ATXN1: variants seen among roughly 807,000 people sequenced by gnomAD.
The protein encoded by ATXN1 is ataxin-1.
A neutral mutation model predicts 56.4 loss-of-function variants in ATXN1; 8 were observed. The observed-to-expected ratio is 0.14, with a 90% CI of 0.08 to 0.26. ATXN1 has a LOEUF of 0.26. Among genes scored for constraint, ATXN1 ranks in the 10% least tolerant of loss-of-function variants. The probability of loss-of-function intolerance (pLI) is 1.00; values close to 1 mark genes in which losing one functional copy is unlikely to be tolerated. For synonymous variants in ATXN1, 514 were observed against 494.6 expected (o/e 1.04, Z -0.52); for missense variants, 987 against 1,106.5 (o/e 0.89, Z 1.53).
At chr6:16,535,093 T>C (rs1387161992) in intron 4 of ATXN1, among the ~76,000 whole-genome samples, 2 of 152,232 alleles carry the variant, frequency 1.3e-5, no homozygotes, top group Non-Finnish European at 2.9e-5. Flanking sequence ...GCTAGGCTCC[T>C]CCTGAAGTGA....
chr6:16,487,804 T>C (rs1399831874), intron 5 of ATXN1, among the ~76,000 whole-genome samples: 1 of 152,200 alleles, frequency 6.6e-6, no homozygotes, highest in African/African-American at 2.4e-5. Flanking sequence ...TGGGGGTACC[T>C]CACTTAGAAG....
At chr6:16,546,597 C>G (rs745631208) in intron 4 of ATXN1, among the ~76,000 whole-genome samples, 1 of 152,134 alleles carries the variant, frequency 6.6e-6, no homozygotes, top group Non-Finnish European at 1.5e-5. Flanking sequence ...TTTTTCTGAG[C>G]CTTAATTGTC....
chr6:16,389,147 A>T (rs919488676), intron 6 of ATXN1, among the ~76,000 whole-genome samples: 2 of 151,486 alleles, frequency 1.3e-5, no homozygotes, highest in Non-Finnish European at 1.5e-5. Flanking sequence ...GACCAGCCTG[A>T]CCAACATGGT....
chr6:16,461,410 A>G (rs571947079), intron 6 of ATXN1, among the ~76,000 whole-genome samples: 6 of 152,338 alleles, frequency 3.9e-5, no homozygotes, highest in African/African-American at 1.4e-4. Flanking sequence ...TTATGGGGCC[A>G]TATCTCCTCC....
intron 5 of ATXN1, among the ~76,000 whole-genome samples, chr6:16,498,724 T>A (rs1405675282): frequency 1.3e-5 from 2 of 152,214 alleles, no homozygotes; most frequent in Non-Finnish European, 2.9e-5. Context: ...CTCATTGTGG[T>A]TTTGATTTGC....
chr6:16,377,665 C>A (rs545792042), intron 6 of ATXN1, among the ~76,000 whole-genome samples: 1 of 152,224 alleles, frequency 6.6e-6, no homozygotes, highest in Admixed American at 6.5e-5. Context: ...TATCTCTGTA[C>A]GCCTGTGTGC....
At chr6:16,434,642 T>C (rs2083669436) in intron 6 of ATXN1, among the ~76,000 whole-genome samples, 2 of 152,224 alleles carry the variant, frequency 1.3e-5, no homozygotes. Flanking sequence ...TGATTCTTCA[T>C]TCTCCCTTGA....
At chr6:16,512,314 G>C (rs1313817608) in intron 5 of ATXN1, among the ~76,000 whole-genome samples, 1 of 152,198 alleles carries the variant, frequency 6.6e-6, no homozygotes, top group African/African-American at 2.4e-5. Flanking sequence ...TGGAGCTATG[G>C]AATTTATTAT....
At chr6:16,429,774 G>C (rs1047110707) in intron 6 of ATXN1, among the ~76,000 whole-genome samples, 8 of 151,970 alleles carry the variant, frequency 5.3e-5, no homozygotes, top group African/African-American at 1.9e-4. Flanking sequence ...AGGCCCATTC[G>C]ATCCACATAA....
intron 6 of ATXN1, among the ~76,000 whole-genome samples, chr6:16,417,679 C>A (rs541878085): frequency 6.6e-6 from 1 of 152,096 alleles, no homozygotes; most frequent in Admixed American, 6.5e-5. Flanking sequence ...ACCTCGTGAT[C>A]CCCCTGCCTC....
At chr6:16,389,573 G>T (rs1758311017) in intron 6 of ATXN1, among the ~76,000 whole-genome samples, 1 of 152,204 alleles carries the variant, frequency 6.6e-6, no homozygotes, top group Non-Finnish European at 1.5e-5. Context: ...GGCAGCAGTA[G>T]TCTTGGTTTC....
At chr6:16,454,125 C>CA (rs56277549) in intron 6 of ATXN1, among the ~76,000 whole-genome samples, 1,685 of 76,492 alleles carry the variant, frequency 0.022, 254 homozygotes, top group African/African-American at 0.045. Flanking sequence ...GACTCTGTCT[C>CA]AAAAAAAAAA....
chr6:16,369,728 C>G (rs1032419302), intron 6 of ATXN1, among the ~76,000 whole-genome samples: 2 of 152,176 alleles, frequency 1.3e-5, no homozygotes, highest in Admixed American at 6.5e-5. Context: ...AAGATAAACT[C>G]TCCTTCTTTA....
chr6:16,758,069 T>G (rs574011689), intron 1 of ATXN1, among the ~76,000 whole-genome samples: 1 of 152,346 alleles, frequency 6.6e-6, no homozygotes, highest in Non-Finnish European at 1.5e-5. Context: ...CCAAAGATCA[T>G]TCAAATCACA....
intron 6 of ATXN1, among the ~76,000 whole-genome samples, chr6:16,348,942 T>A (rs1314247737): frequency 6.6e-6 from 1 of 152,196 alleles, no homozygotes; most frequent in Non-Finnish European, 1.5e-5. Flanking sequence ...GTATATCTGA[T>A]GCAAGTTAAT....
intron 6 of ATXN1, among the ~76,000 whole-genome samples, chr6:16,332,123 C>T (rs1039816528): frequency 5.9e-5 from 9 of 152,192 alleles, no homozygotes; most frequent in Non-Finnish European, 7.3e-5. Flanking sequence ...AAGTTTCCAC[C>T]CATCCTCCTC....
chr6:16,384,938 AAGAGAAC>A (rs1445283705), intron 6 of ATXN1, among the ~76,000 whole-genome samples: 1 of 152,244 alleles, frequency 6.6e-6, no homozygotes, highest in Non-Finnish European at 1.5e-5. Flanking sequence ...AGAGATGGTC[AAGAGAAC>A]AGACACTAAA....
At chr6:16,606,664 G>A (rs985839217) in intron 3 of ATXN1, among the ~76,000 whole-genome samples, 2 of 151,692 alleles carry the variant, frequency 1.3e-5, no homozygotes, top group Admixed American at 1.3e-4. Flanking sequence ...AAGTAGCTGG[G>A]ACTACAGGCG....
chr6:16,658,379 A>T (rs1186815502), intron 2 of ATXN1, among the ~76,000 whole-genome samples: 1 of 152,244 alleles, frequency 6.6e-6, no homozygotes, highest in African/African-American at 2.4e-5. Flanking sequence ...AACAAAAAAG[A>T]TAAAGCATAA....
Sources: gnomAD v4.1 joint callset for allele counts (sites outside exome capture counted in the v4.1 genomes callset) on GRCh38, gnomAD v4.1.1 for gene constraint, MANE v1.5 for transcripts, NCBI Gene and HGNC (gene_info 2026-07-23, HGNC 2026-07-21) for gene names.